The following CADPS variants were observed in gnomAD, a reference collection of about 807,000 sequenced individuals.
CADPS encodes calcium-dependent secretion activator 1.
In CADPS, 57 loss-of-function variants were observed where a neutral mutation model predicts 167.3. That is an observed-to-expected ratio of 0.34 (90% CI 0.28 to 0.42). CADPS has a LOEUF of 0.42. Among genes scored for constraint, CADPS ranks in the 20% least tolerant of loss-of-function variants. CADPS has a pLI of 1.00. For synonymous variants in CADPS, 676 were observed against 635.3 expected, an observed-to-expected ratio of 1.06 and a Z score of -0.96; for missense variants, 1,414 against 1,738.1, an observed-to-expected ratio of 0.81 and a Z score of 3.32.
intron 13 of CADPS, among the ~76,000 whole-genome samples, chr3:62,532,088 T>C (rs1482930267): frequency 1.3e-5 from 2 of 152,202 alleles, no homozygotes; most frequent in Non-Finnish European, 2.9e-5. Flanking sequence ...TCACCTAGCT[T>C]GCTTCAGCTC....
chr3:62,827,709 T>A (rs560350609), intron 1 of CADPS, among the ~76,000 whole-genome samples: 1 of 152,290 alleles, frequency 6.6e-6, no homozygotes, highest in African/African-American at 2.4e-5. Context: ...CCAGAAGCCC[T>A]TAATGAATCA....
At chr3:62,854,240 T>C (rs2079199133) in intron 1 of CADPS, among the ~76,000 whole-genome samples, 1 of 152,210 alleles carries the variant, frequency 6.6e-6, no homozygotes, top group Non-Finnish European at 1.5e-5. Flanking sequence ...TTGGAATTGA[T>C]AGACTAAAAT....
In CADPS at chr3:62,491,557, AAACACAC is replaced by A. The variant is rs1561169369; in HGVS notation, c.2885-84_2885-78del. 45 of 911,842 alleles carry A rather than the reference AAACACAC, an allele frequency of 4.9e-5. No homozygotes were observed. In the African/African-American group the frequency reaches 7.2e-4, roughly 15 times the overall value. 56.5% of individuals were successfully genotyped at this position (911,842 alleles called of 1,614,324 possible). A position where few individuals can be genotyped will look rare whatever the true frequency, so the allele number is the denominator to read the frequency against. ...GTACAACACACACACACACACACAC[AAACACAC>A]ACACACACACACACACACACAGATG... is the stretch of plus-strand genomic sequence containing the variant. On this transcript the variant is annotated intron_variant, in intron 20 of 29. Coordinates refer to ENST00000383710, the MANE Select transcript of CADPS (RefSeq NM_003716.4).
At chr3:62,595,988 G>C (rs1233719092) in intron 6 of CADPS, among the ~76,000 whole-genome samples, 1 of 151,984 alleles carries the variant, frequency 6.6e-6, no homozygotes, top group Non-Finnish European at 1.5e-5. Context: ...TTGGGACTCA[G>C]ACTGGCTCTT....
chr3:62,745,508 A>C (rs918551369), intron 3 of CADPS, among the ~76,000 whole-genome samples: 1 of 152,212 alleles, frequency 6.6e-6, no homozygotes, highest in African/African-American at 2.4e-5. Flanking sequence ...CTTTGAAAAG[A>C]CATGGTTAAT....
At chr3:62,827,617 CTA>C (rs3047278) in intron 1 of CADPS, among the ~76,000 whole-genome samples, 18,350 of 152,162 alleles carry the variant, frequency 0.12, 1,156 homozygotes, top group Middle Eastern at 0.14. Context: ...TTCTAAGACT[CTA>C]TGAATAATCA....
chr3:62,489,286 G>A (rs944172875), intron 21 of CADPS, among the ~76,000 whole-genome samples: 2 of 151,924 alleles, frequency 1.3e-5, no homozygotes, highest in African/African-American at 4.8e-5. Flanking sequence ...TCAGCCTCCC[G>A]AGTAGCTGGG....
Position 62,557,371 on chromosome 3 carries a change from T to C in CADPS, c.1753+34A>G. The C allele has an allele frequency of 2.1e-6, 3 of 1,440,668 alleles. No individual in the cohort carries two copies. In the South Asian group the frequency reaches 3.4e-5, roughly 16 times the overall value. The allele number at this position is 1,440,668 out of a possible 1,614,324, so 89.2% of individuals were successfully genotyped here. Reference sequence around the variant, plus strand: ...CCATTGATTTGGGAAGGTTGAGGGTTTGTGGGCTCGTGGCCTTGAGGGTCG... The same window carrying C: ...CCATTGATTTGGGAAGGTTGAGGGTCTGTGGGCTCGTGGCCTTGAGGGTCG... On this transcript the variant is annotated intron_variant, in intron 10 of 29. Coordinates refer to ENST00000383710, the MANE Select transcript of CADPS (RefSeq NM_003716.4).
intron 3 of CADPS, among the ~76,000 whole-genome samples, chr3:62,748,047 G>A (rs1296741361): frequency 5.3e-5 from 8 of 151,648 alleles, no homozygotes; most frequent in East Asian, 2.0e-4. Context: ...ATGGCCGGGC[G>A]TGGCGGCTTA....
chr3:62,863,570 AGGGAT>A (rs1175139617), intron 1 of CADPS, among the ~76,000 whole-genome samples: 1 of 152,194 alleles, frequency 6.6e-6, no homozygotes, highest in Non-Finnish European at 1.5e-5. Context: ...TGGACAGCAC[AGGGAT>A]GTTAAGTGGC....
At chr3:62,605,108 CA>C (rs2060509352) in intron 6 of CADPS, among the ~76,000 whole-genome samples, 1 of 152,172 alleles carries the variant, frequency 6.6e-6, no homozygotes, top group African/African-American at 2.4e-5. Flanking sequence ...CCAGAAGACT[CA>C]AAAGTTTACA....
At chr3:62,668,539 C>A (rs2074913340) in intron 3 of CADPS, among the ~76,000 whole-genome samples, 2 of 152,204 alleles carry the variant, frequency 1.3e-5, no homozygotes, top group South Asian at 4.1e-4. Context: ...CTTCATCCTT[C>A]AGCTTTGCAG....
At position 62,699,860 on chromosome 3, in the gene CADPS, T is replaced by C. The variant is rs994467524; in HGVS notation, c.889-37466A>G. On this transcript the variant is annotated intron_variant, in intron 3 of 29. Coordinates refer to ENST00000383710, the MANE Select transcript of CADPS (RefSeq NM_003716.4). The stretch of plus-strand genomic sequence containing the variant: ...CTGGGAGTACACCGTGCCTGGCCTG[T>C]TTTTGTAAAGTTGTATCGGAACACA... 7.2e-5 allele frequency among the ~76,000 whole-genome samples: 11 copies of C among 152,096 alleles called. 1 individual carries two copies. The highest frequency in any genetic ancestry group is 6.3e-3 in the Middle Eastern group (2 of 316).
chr3:62,486,439 C>G (rs1163587066), intron 21 of CADPS, among the ~76,000 whole-genome samples: 1 of 123,130 alleles, frequency 8.1e-6, no homozygotes, highest in Non-Finnish European at 1.6e-5. Flanking sequence ...AGCAAGACTC[C>G]GTCTCAAAAA....
In CADPS at chr3:62,835,987, G is replaced by A. The variant is rs532999691; in HGVS notation, c.441+38602C>T. 4.7e-4 allele frequency among the ~76,000 whole-genome samples: 71 copies of A among 152,260 alleles called. No individual in the cohort carries two copies. In the South Asian group the frequency reaches 0.011, roughly 24 times the overall value. On this transcript the variant is annotated intron_variant, in intron 1 of 29. Coordinates refer to ENST00000383710, the MANE Select transcript of CADPS (RefSeq NM_003716.4). ...CCCTTATTTATCTACAACTGCATGTGTTTAGGCATATTGCCCAAGTGAGAT... is the reference window on the plus strand; with the variant it reads ...CCCTTATTTATCTACAACTGCATGTATTTAGGCATATTGCCCAAGTGAGAT...
At chr3:62,695,086 T>C (rs901523038) in intron 3 of CADPS, among the ~76,000 whole-genome samples, 5 of 152,086 alleles carry the variant, frequency 3.3e-5, no homozygotes, top group Admixed American at 1.3e-4. Context: ...TGAGTTTTAT[T>C]GGAGATTAAA....
intron 17 of CADPS, among the ~76,000 whole-genome samples, chr3:62,503,776 G>C (rs2151378960): frequency 6.6e-6 from 1 of 152,250 alleles, no homozygotes; most frequent in East Asian, 1.9e-4. Context: ...CTGTCATGTG[G>C]TTTACAATAT....
chr3:62,624,929 G>A (rs927901500), intron 6 of CADPS, among the ~76,000 whole-genome samples: 2 of 152,072 alleles, frequency 1.3e-5, no homozygotes, highest in African/African-American at 2.4e-5. Flanking sequence ...GACCCAGGAC[G>A]AGCCAATCAT....
intron 6 of CADPS, among the ~76,000 whole-genome samples, chr3:62,610,883 G>C (rs369011865): frequency 6.6e-6 from 1 of 151,664 alleles, no homozygotes; most frequent in Non-Finnish European, 1.5e-5. Context: ...TAATTGGGAG[G>C]GGGGTGTGGG....
Sources: allele counts gnomAD v4.1 joint callset (sites outside exome capture counted in the v4.1 genomes callset), GRCh38; gene constraint gnomAD v4.1.1; transcripts MANE v1.5; gene names NCBI Gene and HGNC (gene_info 2026-07-23, HGNC 2026-07-21).